The following CLTCL1 variants were observed in gnomAD, a reference collection of about 807,000 sequenced individuals.
CLTCL1 encodes clathrin heavy chain 2.
In CLTCL1, 159 loss-of-function variants were observed where a neutral mutation model predicts 190.0. That is an observed-to-expected ratio of 0.84 (90% CI 0.74 to 0.95). The LOEUF is 0.95. CLTCL1 is among the 40% of genes least tolerant of loss of function. The pLI is 0.00. For missense variants in CLTCL1, 1,878 were observed against 2,033.4 expected (o/e 0.92, Z 1.47); for synonymous variants, 752 against 769.6 (o/e 0.98, Z 0.38).
chr22:19,255,755 C>T lies in CLTCL1; in HGVS notation c.251-1528G>A, dbSNP rs565580509. ...TGAAACCCCGTCTCTACTAAAAATA[C>T]GAAAATTAGCCGGGCATGGTGGCAC... On this transcript the variant is annotated intron_variant, in intron 2 of 32. Coordinates refer to ENST00000427926, the MANE Select transcript of CLTCL1 (RefSeq NM_007098.4). 1.6e-3 allele frequency among the ~76,000 whole-genome samples: 233 copies of T among 149,764 alleles called. 1 individual carries two copies. Among genetic ancestry groups the T allele is most frequent in the African/African-American group, 5.3e-3 (216 of 40,702 alleles).
chr22:19,233,445 C>T lies in CLTCL1; in HGVS notation c.1345G>A (p.Glu449Lys). ...ACCTTATCTTCTTTCAGCCACTTCT[C>T]TAGGAGTTGCTTACGCCCCTGCTGA... Reference protein sequence around the residue: ...VLQQGRKQLLEKWLKEDKLEC... With the variant: ...VLQQGRKQLLKKWLKEDKLEC... Residue 449 changes from glutamate to lysine, a missense_variant, in exon 8 of 33, where the codon GAG (glutamate) becomes AAG (lysine). Physicochemically the swap from Glu to Lys is moderately conservative, Grantham distance 56 (BLOSUM62 1). Transcript: ENST00000427926. 1 of 1,613,672 alleles carries T rather than the reference C, an allele frequency of 6.2e-7. No individual in the cohort carries two copies. The highest frequency in any genetic ancestry group is 8.5e-7 in the Non-Finnish European group (1 of 1,179,734).
At chr22:19,206,464 T>C (rs1424249809) in intron 22 of CLTCL1, among the ~76,000 whole-genome samples, 2 of 152,228 alleles carry the variant, frequency 1.3e-5, no homozygotes, top group African/African-American at 2.4e-5. Context: ...CAGGCTGGTC[T>C]TGAACTCCTG....
In CLTCL1 at chr22:19,289,800, A is replaced by T. The variant is rs142848010; in HGVS notation, c.42+1800T>A. 4.4e-3 allele frequency among the ~76,000 whole-genome samples: 667 copies of T among 152,348 alleles called. 2 individuals are homozygous for T. Among genetic ancestry groups the T allele is most frequent in the Non-Finnish European group, 7.6e-3 (520 of 68,032 alleles). On this transcript the variant is annotated intron_variant, in intron 1 of 32. Coordinates refer to ENST00000427926, the MANE Select transcript of CLTCL1 (RefSeq NM_007098.4). ...CAGGAAGGCAGGAAAGGGTGGCTGC[A>T]GACAAACATCTAAGTCTGCAGCCAT... is the stretch of plus-strand genomic sequence containing the variant.
Position 19,180,255 on chromosome 22 carries a change from G to A in CLTCL1, c.4904-17C>T. ...CATCAAAATCTAAAAAAACCAGAATGACATTAATGGTGGAAGGACACACTC... is the reference window on the plus strand; with the variant it reads ...CATCAAAATCTAAAAAAACCAGAATAACATTAATGGTGGAAGGACACACTC... On this transcript the variant is annotated splice_polypyrimidine_tract_variant and intron_variant, in intron 31 of 32. Coordinates refer to ENST00000427926, the MANE Select transcript of CLTCL1 (RefSeq NM_007098.4). 1 of 1,613,616 alleles carries A rather than the reference G, an allele frequency of 6.2e-7. No individual in the cohort carries two copies.
intron 3 of CLTCL1, among the ~76,000 whole-genome samples, chr22:19,253,408 C>T (rs1034733745): frequency 3.3e-5 from 5 of 152,190 alleles, no homozygotes; most frequent in South Asian, 2.1e-4. Context: ...CCATGGGCCA[C>T]GGTCCCTCCC....
At position 19,247,274 on chromosome 22, in the gene CLTCL1, T is replaced by C. The variant is rs368484222; in HGVS notation, c.520-4338A>G. Among the ~76,000 whole-genome samples the C allele has an allele frequency of 5.3e-5, 8 of 152,332 alleles. No individual in the cohort carries two copies. In the East Asian group the frequency reaches 9.6e-4, roughly 18 times the overall value. ...ACTATTGTTTCACCATTGAACAGTC[T>C]TGACACTCTCATCAAAAATCAATTG... is the stretch of plus-strand genomic sequence containing the variant. On this transcript the variant is annotated intron_variant, in intron 3 of 32. Transcript: ENST00000427926.
At chr22:19,184,125 G>C in intron 29 of CLTCL1, 1 of 253,502 alleles carries the variant, frequency 3.9e-6, no homozygotes, top group Non-Finnish European at 7.9e-6. Flanking sequence ...AATAACACCT[G>C]CACCTGACCA....
intron 28 of CLTCL1, 56 bp from the exon 29 acceptor site, chr22:19,187,784 T>A (rs2084361870): frequency 1.9e-6 from 3 of 1,554,992 alleles, no homozygotes; most frequent in African/African-American, 1.4e-5. Flanking sequence ...TGCCTACACA[T>A]GGAGCAGGCA....
intron 29 of CLTCL1, among the ~76,000 whole-genome samples, chr22:19,186,861 A>G (rs1555928544): frequency 1.3e-5 from 2 of 152,140 alleles, no homozygotes; most frequent in Admixed American, 1.3e-4. Flanking sequence ...TCAGCCTCCC[A>G]AAGTGCTGGG....
intron 2 of CLTCL1, among the ~76,000 whole-genome samples, chr22:19,260,806 A>G (rs541091042): frequency 7.0e-6 from 1 of 141,934 alleles, no homozygotes; most frequent in East Asian, 2.1e-4. Context: ...AAAAAAAAAG[A>G]ATTATGCTAA....
intron 6 of CLTCL1, among the ~76,000 whole-genome samples, chr22:19,235,433 G>A (rs916648964): frequency 6.6e-6 from 1 of 152,190 alleles, no homozygotes; most frequent in Non-Finnish European, 1.5e-5. Flanking sequence ...GTTAGGGTGT[G>A]CATGGTATAA....
chr22:19,238,729 G>C (rs1238022744), intron 5 of CLTCL1: 1 of 152,952 alleles, frequency 6.5e-6, no homozygotes, highest in African/African-American at 2.4e-5. Context: ...AGTTTCACTA[G>C]AGGCTGCGTG....
At chr22:19,245,186 CTT>C (rs1194266137) in intron 3 of CLTCL1, among the ~76,000 whole-genome samples, 79 of 118,814 alleles carry the variant, frequency 6.6e-4, no homozygotes, top group African/African-American at 2.3e-3. Context: ...TCTCCCCCTC[CTT>C]TTTTTTTTTT....
chr22:19,233,857 G>A (rs1357662374), intron 7 of CLTCL1, among the ~76,000 whole-genome samples: 2 of 152,212 alleles, frequency 1.3e-5, no homozygotes, highest in Non-Finnish European at 1.5e-5. Context: ...CCCCCAGCAT[G>A]CTGCAGTAAG....
At chr22:19,267,131 A>G (rs1334284277) in intron 2 of CLTCL1, among the ~76,000 whole-genome samples, 1 of 152,204 alleles carries the variant, frequency 6.6e-6, no homozygotes, top group East Asian at 1.9e-4. Flanking sequence ...ATAAGTATAT[A>G]GGATACAGAA....
At chr22:19,263,500 T>C (rs2793059) in intron 2 of CLTCL1, among the ~76,000 whole-genome samples, 10,832 of 152,206 alleles carry the variant, frequency 0.071, 470 homozygotes, top group Middle Eastern at 0.17. Flanking sequence ...CTGCAACCTC[T>C]GCCTCCCGGG....
At position 19,239,516 on chromosome 22, in the gene CLTCL1, A is replaced by G. The variant is rs1322471390; in HGVS notation, c.682-128T>C. The G allele has an allele frequency of 4.1e-6, 3 of 726,912 alleles. No individual in the cohort carries two copies. In the East Asian group the frequency reaches 7.4e-5, roughly 18 times the overall value. The allele number at this position is 726,912 out of a possible 1,614,324, so 45.0% of individuals were successfully genotyped here. A position where few individuals can be genotyped will look rare whatever the true frequency, so the allele number is the denominator to read the frequency against. ...TGATTAACGCTAAAAGTCACATTCA[A>G]CCAAAGCAGAACAACCCCCTTGTCG... On this transcript the variant is annotated intron_variant, in intron 4 of 32. Transcript: ENST00000427926.
intron 2 of CLTCL1, chr22:19,258,178 A>C: frequency 2.9e-6 from 1 of 349,742 alleles, no homozygotes; most frequent in South Asian, 2.3e-5. Context: ...ATGAAGAGGG[A>C]GTAAAAGGCC....
intron 26 of CLTCL1, among the ~76,000 whole-genome samples, chr22:19,192,796 A>C (rs1555933193): frequency 1.3e-5 from 2 of 152,224 alleles, no homozygotes. Context: ...ATTCAGAGCA[A>C]AACGGTGAAC....
Sources: allele counts gnomAD v4.1 joint callset (sites outside exome capture counted in the v4.1 genomes callset), GRCh38; gene constraint gnomAD v4.1.1; transcripts MANE v1.5; gene names NCBI Gene and HGNC (gene_info 2026-07-23, HGNC 2026-07-21).